Variants in USP10 observed in about 807,000 individuals in gnomAD.
The protein encoded by USP10 is ubiquitin specific peptidase 10.
In USP10, 22 loss-of-function variants were observed where a neutral mutation model predicts 84.5. The observed-to-expected ratio is 0.26, with a 90% CI of 0.19 to 0.37. USP10 has a LOEUF of 0.37. Ranked by LOEUF, USP10 falls within the 10% of genes least tolerant of loss-of-function variation. The pLI is 1.00. For missense variants in USP10, 1,019 were observed against 998.9 expected (o/e 1.02, Z -0.27); for synonymous variants, 454 against 387.6 (o/e 1.17, Z -2.01).
intron 1 of USP10, among the ~76,000 whole-genome samples, chr16:84,731,765 C>T (rs923239100): frequency 1.4e-5 from 2 of 144,890 alleles, no homozygotes; most frequent in African/African-American, 2.6e-5. Flanking sequence ...CTTTCATGAT[C>T]TCTGATAGCT....
chr16:84,706,881 C>G (rs544792960), intron 1 of USP10, among the ~76,000 whole-genome samples: 69 of 151,316 alleles, frequency 4.6e-4, no homozygotes, highest in Non-Finnish European at 5.2e-4. Flanking sequence ...AGTAGGCTTT[C>G]TGGGTAGATC....
At chr16:84,758,907 C>G in intron 5 of USP10, 100 bp downstream of exon 5, 2 of 817,542 alleles carry the variant, frequency 2.4e-6, no homozygotes, top group Non-Finnish European at 4.2e-6. Context: ...ATCTAGCTCT[C>G]CATTTGAATC....
chr16:84,758,888 C>A (rs1912886495), intron 5 of USP10, 81 bp downstream of exon 5: 2 of 982,738 alleles, frequency 2.0e-6, no homozygotes, highest in African/African-American at 3.2e-5. Flanking sequence ...AGCTCAGCTT[C>A]CGTGGGCCAT....
chr16:84,711,801 C>A (rs1241550641), intron 1 of USP10, among the ~76,000 whole-genome samples: 2 of 148,708 alleles, frequency 1.3e-5, no homozygotes, highest in Non-Finnish European at 3.0e-5. Context: ...CTCACTGCAA[C>A]CTCTGCCTCC....
At chr16:84,747,644 A>G (rs1276846164) in intron 4 of USP10, among the ~76,000 whole-genome samples, 1 of 142,784 alleles carries the variant, frequency 7.0e-6, no homozygotes, top group Non-Finnish European at 1.5e-5. Context: ...GCTCACTACA[A>G]CCTCCGCCTC....
chr16:84,725,913 C>T (rs1005217310), intron 1 of USP10, among the ~76,000 whole-genome samples: 1 of 152,294 alleles, frequency 6.6e-6, no homozygotes, highest in African/African-American at 2.4e-5. Context: ...AGGGAGAATA[C>T]TTTATACTTC....
At chr16:84,771,052 C>G (rs1914397991) in intron 11 of USP10, among the ~76,000 whole-genome samples, 1 of 88,888 alleles carries the variant, frequency 1.1e-5, no homozygotes, top group Non-Finnish European at 2.8e-5. Flanking sequence ...GCGAGACTGT[C>G]TCAAAAAAAA....
intron 1 of USP10, among the ~76,000 whole-genome samples, chr16:84,726,824 G>T (rs571961037): frequency 5.3e-4 from 80 of 152,354 alleles, no homozygotes; most frequent in African/African-American, 1.7e-3. Flanking sequence ...CCCCCGAATC[G>T]CAGGCATTTC....
intron 2 of USP10, among the ~76,000 whole-genome samples, chr16:84,734,991 C>G (rs999006389): frequency 2.0e-4 from 31 of 152,138 alleles, no homozygotes; most frequent in African/African-American, 6.0e-4. Flanking sequence ...TCTGTATAAA[C>G]ACCACACGTT....
intron 13 of USP10, among the ~76,000 whole-genome samples, chr16:84,778,458 T>A (rs2150881825): frequency 6.6e-6 from 1 of 152,336 alleles, no homozygotes; most frequent in Middle Eastern, 3.4e-3. Context: ...TATTGAGGTT[T>A]TCCGTTTTTT....
At chr16:84,724,900 A>G (rs995313155) in intron 1 of USP10, among the ~76,000 whole-genome samples, 1 of 152,318 alleles carries the variant, frequency 6.6e-6, no homozygotes, top group Admixed American at 6.5e-5. Flanking sequence ...TCTGAAGTTG[A>G]AAGCACACAA....
At chr16:84,730,420 T>TA (rs539766355) in intron 1 of USP10, among the ~76,000 whole-genome samples, 160 of 152,312 alleles carry the variant, frequency 1.1e-3, no homozygotes, top group African/African-American at 3.6e-3. Context: ...GTGGAGAAAT[T>TA]ATTGACATGA....
intron 7 of USP10, 99 bp from the exon 8 acceptor site, chr16:84,760,073 C>T: frequency 1.3e-6 from 2 of 1,508,934 alleles, no homozygotes. Flanking sequence ...TCTCAACATT[C>T]AGCCAGGTGG....
At chr16:84,713,189 C>T (rs139672971) in intron 1 of USP10, among the ~76,000 whole-genome samples, 19 of 152,326 alleles carry the variant, frequency 1.2e-4, no homozygotes, top group African/African-American at 3.6e-4. Flanking sequence ...CCACCATTCA[C>T]CCACTAGTTA....
At chr16:84,718,298 A>T (rs1055969958) in intron 1 of USP10, among the ~76,000 whole-genome samples, 1 of 152,172 alleles carries the variant, frequency 6.6e-6, no homozygotes, top group African/African-American at 2.4e-5. Context: ...CTGTGACCCA[A>T]GATAGAGTGC....
At chr16:84,746,321 T>C (rs1034888740) in intron 4 of USP10, among the ~76,000 whole-genome samples, 1 of 152,230 alleles carries the variant, frequency 6.6e-6, no homozygotes, top group Non-Finnish European at 1.5e-5. Context: ...CAGCAGGGTA[T>C]GAAAGAGGTA....
At chr16:84,735,526 C>T (rs1909823049) in intron 2 of USP10, among the ~76,000 whole-genome samples, 1 of 152,008 alleles carries the variant, frequency 6.6e-6, no homozygotes. Context: ...TTTTCTCTTT[C>T]TTTTGTTTTT....
chr16:84,733,037 T>C (rs571923801), intron 1 of USP10: 2 of 451,004 alleles, frequency 4.4e-6, no homozygotes, highest in East Asian at 6.9e-5. Context: ...GAACCACGTT[T>C]TCTGCTTTTC....
At chr16:84,732,226 G>A (rs905764816) in intron 1 of USP10, among the ~76,000 whole-genome samples, 8 of 151,940 alleles carry the variant, frequency 5.3e-5, no homozygotes, top group Non-Finnish European at 1.0e-4. Flanking sequence ...TTTAGTTACT[G>A]GTTATTTTTG....
Sources: gnomAD v4.1 joint callset for allele counts (sites outside exome capture counted in the v4.1 genomes callset) on GRCh38, gnomAD v4.1.1 for gene constraint, MANE v1.5 for transcripts, NCBI Gene and HGNC (gene_info 2026-07-23, HGNC 2026-07-21) for gene names.